SNX29: variants seen among roughly 807,000 people sequenced by gnomAD.
SNX29 encodes the protein sorting nexin-29.
SNX29 carries 78 observed loss-of-function variants against 102.1 expected under a neutral mutation model. That is an observed-to-expected ratio of 0.76 (90% confidence interval 0.64 to 0.92). The LOEUF is 0.92. SNX29 is among the 40% of genes least tolerant of loss of function. The pLI is 0.00. For synonymous variants in SNX29, 580 were observed against 414.5 expected, an observed-to-expected ratio of 1.40 and a Z score of -4.85; for missense variants, 1,280 against 1,061.7, an observed-to-expected ratio of 1.21 and a Z score of -2.86.
chr16:12,272,935 A>T (rs559214174), intron 14 of SNX29, among the ~76,000 whole-genome samples: 1 of 152,228 alleles, frequency 6.6e-6, no homozygotes, highest in Non-Finnish European at 1.5e-5. Context: ...CACACGCAAC[A>T]CGCAGCTCCC....
chr16:12,522,852 C>T (rs544219192), intron 19 of SNX29, among the ~76,000 whole-genome samples: 6 of 152,246 alleles, frequency 3.9e-5, no homozygotes, highest in African/African-American at 1.2e-4. Context: ...TAACTGTCTC[C>T]CAGGGTGGAA....
chr16:12,568,624 C>T lies in SNX29; in HGVS notation c.2437C>T (p.Leu813Phe), dbSNP rs371635503. ...CAACGTGGAGCCCCAGAGCGGTGAC[C>T]TCTGACCTCGACAAAACCGCAGCCA... ...TRNVEPQSGD[L>F] Residue 813 changes from leucine (L) to phenylalanine (F), a missense_variant, in exon 21 of 21, where the codon CTC becomes TTC. Leu to Phe is a conservative substitution (Grantham distance 22). Coordinates refer to ENST00000566228, the MANE Select transcript of SNX29 (RefSeq NM_032167.5). 7.5e-6 allele frequency: 12 copies of T among 1,603,074 alleles called. No homozygotes were observed. Among genetic ancestry groups the T allele is most frequent in the South Asian group, 2.2e-5 (2 of 91,068 alleles).
At position 12,201,027 on chromosome 16, in the gene SNX29, T is replaced by C. The variant is rs376222530; in HGVS notation, c.1678+1344T>C. Among the ~76,000 whole-genome samples, 4 of 152,344 alleles carry C rather than the reference T, an allele frequency of 2.6e-5. No individual in the cohort carries two copies. The East Asian group carries it at 7.7e-4, about 29-fold the overall frequency. On this transcript the variant is annotated intron_variant, in intron 14 of 20. Transcript: ENST00000566228. ...AATCTGGCTATGGCTTATTTAGTAATAGTATAAAGATGTGAATGTTTTTGA... is the reference window on the plus strand; with the variant it reads ...AATCTGGCTATGGCTTATTTAGTAACAGTATAAAGATGTGAATGTTTTTGA...
intron 10 of SNX29, among the ~76,000 whole-genome samples, chr16:12,069,883 G>A (rs2051213497): frequency 6.6e-6 from 1 of 151,556 alleles, no homozygotes; most frequent in Non-Finnish European, 1.5e-5. Flanking sequence ...GTAGAGATGG[G>A]GTTTCACCGT....
At chr16:12,423,887 G>A (rs1380504937) in intron 18 of SNX29, among the ~76,000 whole-genome samples, 1 of 152,202 alleles carries the variant, frequency 6.6e-6, no homozygotes, top group Non-Finnish European at 1.5e-5. Context: ...GTTTTTGTAA[G>A]AAGAGTGCAT....
intron 3 of SNX29, among the ~76,000 whole-genome samples, chr16:12,008,521 G>C (rs764870526): frequency 2.6e-5 from 4 of 151,894 alleles, no homozygotes; most frequent in African/African-American, 9.7e-5. Context: ...CTCCCGCCTC[G>C]GCCTCCCAAA....
At chr16:12,330,742 C>A (rs1285620783) in intron 15 of SNX29, among the ~76,000 whole-genome samples, 2 of 152,152 alleles carry the variant, frequency 1.3e-5, no homozygotes, top group Non-Finnish European at 2.9e-5. Flanking sequence ...CATCCTTGCT[C>A]CCAGAAAATC....
intron 13 of SNX29, among the ~76,000 whole-genome samples, 174 bp downstream of exon 13, chr16:12,129,932 G>A (rs373341378): frequency 6.6e-6 from 1 of 151,748 alleles, no homozygotes; most frequent in Non-Finnish European, 1.5e-5. Flanking sequence ...GTGAAACCCC[G>A]TCTCTACTAA....
At chr16:12,312,931 G>A (rs971081273) in intron 15 of SNX29, among the ~76,000 whole-genome samples, 3 of 152,040 alleles carry the variant, frequency 2.0e-5, no homozygotes, top group Non-Finnish European at 2.9e-5. Context: ...GCCAGAGGTG[G>A]GATGGCCTTC....
At chr16:12,415,002 C>A (rs554010581) in intron 18 of SNX29, among the ~76,000 whole-genome samples, 2 of 152,358 alleles carry the variant, frequency 1.3e-5, no homozygotes, top group East Asian at 3.9e-4. Context: ...GAATTACAGG[C>A]ATGAGCCACT....
chr16:12,226,713 A>C (rs2142158722), intron 14 of SNX29, among the ~76,000 whole-genome samples: 1 of 151,838 alleles, frequency 6.6e-6, no homozygotes, highest in Non-Finnish European at 1.5e-5. Context: ...AGCCGGGATT[A>C]CAGGTGTGTG....
chr16:12,243,232 C>T (rs1264205879), intron 14 of SNX29, among the ~76,000 whole-genome samples: 1 of 152,212 alleles, frequency 6.6e-6, no homozygotes, highest in Non-Finnish European at 1.5e-5. Context: ...GCATTTGATG[C>T]CACTCTAGGG....
intron 15 of SNX29, among the ~76,000 whole-genome samples, chr16:12,282,083 CAAA>C (rs758827865): frequency 1.5e-3 from 94 of 62,060 alleles, no homozygotes; most frequent in African/African-American, 2.1e-3. Context: ...GACTCCATCT[CAAA>C]AAAAAAAAAA....
At chr16:12,518,923 G>A (rs140762318) in intron 19 of SNX29, among the ~76,000 whole-genome samples, 1,526 of 152,326 alleles carry the variant, frequency 0.01, 12 homozygotes, top group Non-Finnish European at 0.014. Context: ...TAGATGCAGT[G>A]TAGCCTCTGG....
chr16:12,399,014 C>T (rs531347102), intron 17 of SNX29, among the ~76,000 whole-genome samples: 1 of 152,148 alleles, frequency 6.6e-6, no homozygotes, highest in African/African-American at 2.4e-5. Flanking sequence ...TTCTATTTGG[C>T]ACCTCTGCTG....
In SNX29 at chr16:12,410,095, A is replaced by C. The variant is rs547306852; in HGVS notation, c.2037+6566A>C. Reference sequence around the variant, plus strand: ...CTGCAAGCTCCACCTCCCGGGTTCAAGTGATTCTCCTGCCTCAGCCTCCTG... The same window carrying C: ...CTGCAAGCTCCACCTCCCGGGTTCACGTGATTCTCCTGCCTCAGCCTCCTG... On this transcript the variant is annotated intron_variant, in intron 18 of 20. Coordinates refer to ENST00000566228, the MANE Select transcript of SNX29 (RefSeq NM_032167.5). Among the ~76,000 whole-genome samples the C allele has an allele frequency of 1.2e-3, 183 of 151,858 alleles. 1 individual carries two copies. Among genetic ancestry groups the C allele is most frequent in the African/African-American group, 3.9e-3 (163 of 41,408 alleles).
At chr16:12,009,479 GTA>G (rs111876876) in intron 3 of SNX29, among the ~76,000 whole-genome samples, 90 of 150,008 alleles carry the variant, frequency 6.0e-4, no homozygotes, top group African/African-American at 1.5e-3. Context: ...GTGTGTGTGT[GTA>G]TATATATATA....
At chr16:12,375,538 G>A (rs903438267) in intron 16 of SNX29, 9 of 152,158 alleles carry the variant, frequency 5.9e-5, no homozygotes, top group South Asian at 2.1e-4. Context: ...AAGGATCTGC[G>A]TCCAAGCTAA....
rs114514591 is a variant in SNX29, at chr16:12,246,607, G to A, written c.1679-31326G>A. ...GTGAGCCGAGATCGTGCCACTGGGTGACAGAGCGAGACTCCATCTCCATAA... is the reference window on the plus strand; with the variant it reads ...GTGAGCCGAGATCGTGCCACTGGGTAACAGAGCGAGACTCCATCTCCATAA... On this transcript the variant is annotated intron_variant, in intron 14 of 20. Transcript: ENST00000566228. Among the ~76,000 whole-genome samples, 756 of 152,234 alleles carry A rather than the reference G, an allele frequency of 5.0e-3. 4 individuals are homozygous for A. Among genetic ancestry groups the A allele is most frequent in the African/African-American group, 0.017 (721 of 41,548 alleles).
Sources: allele counts gnomAD v4.1 joint callset (sites outside exome capture counted in the v4.1 genomes callset), GRCh38; gene constraint gnomAD v4.1.1; transcripts MANE v1.5; gene names NCBI Gene and HGNC (gene_info 2026-07-23, HGNC 2026-07-21).